Variants in SLC25A26 observed in about 807,000 individuals in gnomAD.
SLC25A26 encodes solute carrier family 25 member 26.
A neutral mutation model predicts 37.8 loss-of-function variants in SLC25A26; 36 were observed. That is an observed-to-expected ratio of 0.95 (90% confidence interval 0.73 to 1.26). The LOEUF is 1.26. SLC25A26 is among the 50% of genes most tolerant of loss of function. The probability of loss-of-function intolerance (pLI) is 0.00; values close to 1 mark genes in which losing one functional copy is unlikely to be tolerated. For synonymous variants in SLC25A26, 129 were observed against 122.5 expected (o/e 1.05, Z -0.35); for missense variants, 390 against 331.1 (o/e 1.18, Z -1.38).
chr3:66,367,213 T>A (rs1325091830), intron 7 of SLC25A26, among the ~76,000 whole-genome samples: 1 of 152,190 alleles, frequency 6.6e-6, no homozygotes, highest in Non-Finnish European at 1.5e-5. Context: ...GTTCCAAACA[T>A]GTTGCGTAGG....
chr3:66,138,531 CCTTT>C (rs35639814), intron 1 of SLC25A26, among the ~76,000 whole-genome samples: 65,871 of 151,438 alleles, frequency 0.43, 15,112 homozygotes, highest in African/African-American at 0.58. Flanking sequence ...TACATTGGGG[CCTTT>C]CTTTCCCATC....
chr3:66,265,358 A>G (rs187646254), intron 5 of SLC25A26, among the ~76,000 whole-genome samples: 119 of 152,326 alleles, frequency 7.8e-4, no homozygotes, highest in African/African-American at 2.5e-3. Flanking sequence ...TTTGCTTCAC[A>G]TAGAAGAGAC....
chr3:66,349,842 T>A (rs1226698389), intron 6 of SLC25A26, among the ~76,000 whole-genome samples: 1 of 152,202 alleles, frequency 6.6e-6, no homozygotes, highest in Non-Finnish European at 1.5e-5. Context: ...AGAGTTCTAG[T>A]TGCTCTACAT....
intron 5 of SLC25A26, among the ~76,000 whole-genome samples, chr3:66,337,485 G>A (rs536272385): frequency 6.6e-6 from 1 of 152,148 alleles, no homozygotes; most frequent in Admixed American, 6.5e-5. Flanking sequence ...TAGAAAGAAT[G>A]ATAGATCTAT....
intron 1 of SLC25A26, 35 bp downstream of exon 1, chr3:66,221,162 T>C: frequency 6.7e-7 from 1 of 1,498,390 alleles, no homozygotes; most frequent in Non-Finnish European, 8.8e-7. Context: ...TTGCTCAGAG[T>C]GCCGGCGTCC....
At chr3:66,286,518 C>T (rs1050860264) in intron 5 of SLC25A26, among the ~76,000 whole-genome samples, 1 of 151,744 alleles carries the variant, frequency 6.6e-6, no homozygotes, top group Non-Finnish European at 1.5e-5. Context: ...TTGTATGGGT[C>T]TGTAGCTGGA....
chr3:66,251,873 G>A (rs1377198269), intron 3 of SLC25A26, among the ~76,000 whole-genome samples: 1 of 152,132 alleles, frequency 6.6e-6, no homozygotes, highest in African/African-American at 2.4e-5. Context: ...CATGACCTGG[G>A]AGAGTATATT....
At chr3:66,179,719 T>A (rs969864034) in intron 1 of SLC25A26, among the ~76,000 whole-genome samples, 35 of 149,908 alleles carry the variant, frequency 2.3e-4, no homozygotes, top group African/African-American at 6.8e-4. Context: ...GTTACTGGGC[T>A]TTTTTTTTTC....
chr3:66,153,029 G>A (rs1483909132), intron 1 of SLC25A26, among the ~76,000 whole-genome samples: 2 of 152,192 alleles, frequency 1.3e-5, no homozygotes, highest in African/African-American at 4.8e-5. Flanking sequence ...TTTCTAATGT[G>A]TAGTTAAGGC....
At chr3:66,297,905 C>G (rs1005462178) in intron 5 of SLC25A26, among the ~76,000 whole-genome samples, 1 of 152,182 alleles carries the variant, frequency 6.6e-6, no homozygotes, top group Non-Finnish European at 1.5e-5. Flanking sequence ...ATTCTAAGTT[C>G]TCAAAAGATG....
Position 66,221,032 on chromosome 3 carries a change from C to A in SLC25A26, c.-63C>A, listed in dbSNP as rs1205104413. On this transcript the variant is annotated 5_prime_UTR_variant, in exon 1 of 10. Transcript: ENST00000354883. Reference sequence around the variant, plus strand: ...GCCTCAAACATGGCGGCGCCCAGCGCGCGAGGACGTGATCCGCTTCTGCTC... The same window carrying A: ...GCCTCAAACATGGCGGCGCCCAGCGAGCGAGGACGTGATCCGCTTCTGCTC... 5 of 1,518,440 alleles carry A rather than the reference C, an allele frequency of 3.3e-6. No individual in the cohort carries two copies. Among genetic ancestry groups the A allele is most frequent in the Non-Finnish European group, 4.4e-6 (5 of 1,130,586 alleles). 94.1% of individuals were successfully genotyped at this position (1,518,440 alleles called of 1,614,324 possible).
chr3:66,334,510 T>G (rs919866572), intron 5 of SLC25A26, among the ~76,000 whole-genome samples: 2 of 152,040 alleles, frequency 1.3e-5, no homozygotes, highest in African/African-American at 4.8e-5. Context: ...GAGACAAGAT[T>G]TTGCTATGTT....
intron 6 of SLC25A26, among the ~76,000 whole-genome samples, chr3:66,359,883 T>C (rs2076658975): frequency 6.6e-6 from 1 of 152,198 alleles, no homozygotes. Flanking sequence ...CTTATCTGCT[T>C]TCACAAGTAA....
intron 5 of SLC25A26, among the ~76,000 whole-genome samples, chr3:66,264,074 C>T (rs1016665457): frequency 2.0e-5 from 3 of 152,036 alleles, no homozygotes; most frequent in African/African-American, 4.8e-5. Flanking sequence ...GAGGCAAGTT[C>T]GAAACCAACC....
rs904605125 is a variant in SLC25A26 at position 66,186,634 on chromosome 3, G to A, written c.-353-34108G>A. On this transcript the variant is annotated intron_variant, in intron 1 of 10. Coordinates refer to the SLC25A26 transcript ENST00000676754. ...CCAGATCATAAATATGAAAACAATT[G>A]GGACCCTCACCATATCCCCAAACCT... 7.2e-5 allele frequency among the ~76,000 whole-genome samples: 11 copies of A among 151,984 alleles called. 1 individual carries two copies. In the South Asian group the frequency reaches 2.1e-3, roughly 29 times the overall value.
At chr3:66,272,542 A>G (rs1398362751) in intron 5 of SLC25A26, among the ~76,000 whole-genome samples, 1 of 152,054 alleles carries the variant, frequency 6.6e-6, no homozygotes, top group Non-Finnish European at 1.5e-5. Flanking sequence ...TGTGGCTTGT[A>G]AGTGCATATT....
chr3:66,296,859 G>GTAAGAACT (rs1195747585), intron 5 of SLC25A26, among the ~76,000 whole-genome samples: 2 of 152,210 alleles, frequency 1.3e-5, no homozygotes, highest in Non-Finnish European at 2.9e-5. Flanking sequence ...GACCAAGAGG[G>GTAAGAACT]TAAGAACTGA....
chr3:66,358,298 GAAT>G lies in SLC25A26; in HGVS notation c.499-4558_499-4556del, dbSNP rs2076622569. On this transcript the variant is annotated intron_variant, in intron 6 of 9. Transcript: ENST00000354883. ...TATGAGTTTAAGGTTGCACTCAAATGAATAATTTGTAAATAACACTCTTTTTAG... is the reference window on the plus strand; with the variant it reads ...TATGAGTTTAAGGTTGCACTCAAATGAATTTGTAAATAACACTCTTTTTAG... Among the ~76,000 whole-genome samples the G allele has an allele frequency of 1.3e-5, 2 of 152,130 alleles. 1 individual carries two copies. The highest frequency in any genetic ancestry group is 4.1e-4 in the South Asian group (2 of 4,820).
chr3:66,338,782 A>G (rs904074483), intron 5 of SLC25A26, among the ~76,000 whole-genome samples: 8 of 151,948 alleles, frequency 5.3e-5, no homozygotes, highest in Non-Finnish European at 7.4e-5. Context: ...TTCTATCTCT[A>G]TGAATTTGCC....
Sources: allele counts gnomAD v4.1 joint callset (sites outside exome capture counted in the v4.1 genomes callset), GRCh38; gene constraint gnomAD v4.1.1; transcripts MANE v1.5; gene names NCBI Gene and HGNC (gene_info 2026-07-23, HGNC 2026-07-21).